TMEM178B: variants seen among roughly 807,000 people sequenced by gnomAD.
TMEM178B encodes transmembrane protein 178B.
In TMEM178B, 5 loss-of-function variants were observed where a neutral mutation model predicts 31.0. The observed-to-expected ratio is 0.16, with a 90% CI of 0.08 to 0.34. The LOEUF is 0.34. Among genes scored for constraint, TMEM178B ranks in the 10% least tolerant of loss-of-function variants. The pLI is 1.00. For synonymous variants in TMEM178B, 164 were observed against 164.0 expected, an observed-to-expected ratio of 1.00 and a Z score of 0.00; for missense variants, 275 against 400.3, an observed-to-expected ratio of 0.69 and a Z score of 2.67.
At chr7:141,343,675 G>A (rs1799558461) in intron 2 of TMEM178B, among the ~76,000 whole-genome samples, 1 of 151,714 alleles carries the variant, frequency 6.6e-6, no homozygotes, top group Admixed American at 6.6e-5. Context: ...TCAGCCTCCC[G>A]AGTAGCTGGG....
intron 2 of TMEM178B, 81 bp from the exon 3 acceptor site, chr7:141,437,527 C>T (rs1801568333): frequency 2.7e-6 from 4 of 1,501,230 alleles, no homozygotes; most frequent in East Asian, 2.5e-5. Flanking sequence ...TCCCTCTCTG[C>T]ACCCACCCCA....
chr7:141,108,950 G>C (rs1210083947), intron 1 of TMEM178B, among the ~76,000 whole-genome samples: 1 of 152,174 alleles, frequency 6.6e-6, no homozygotes, highest in South Asian at 2.1e-4. Context: ...GAGGTGAAAG[G>C]CACTTCTTAC....
intron 2 of TMEM178B, among the ~76,000 whole-genome samples, chr7:141,350,351 T>C (rs1036022575): frequency 1.3e-4 from 20 of 152,234 alleles, no homozygotes; most frequent in African/African-American, 4.1e-4. Flanking sequence ...ACTCCTGGCA[T>C]CGTAACATGT....
intron 1 of TMEM178B, among the ~76,000 whole-genome samples, chr7:141,188,075 G>A (rs544464735): frequency 2.4e-4 from 36 of 152,200 alleles, no homozygotes; most frequent in African/African-American, 7.7e-4. Context: ...TATGGTTTTA[G>A]GTCTAACATT....
chr7:141,333,809 A>G (rs1799336756), intron 2 of TMEM178B, among the ~76,000 whole-genome samples: 1 of 152,214 alleles, frequency 6.6e-6, no homozygotes, highest in African/African-American at 2.4e-5. Flanking sequence ...TCAGATCATC[A>G]GGTATTAGTT....
At chr7:141,284,191 A>C (rs956674561) in intron 2 of TMEM178B, among the ~76,000 whole-genome samples, 1 of 152,240 alleles carries the variant, frequency 6.6e-6, no homozygotes, top group Non-Finnish European at 1.5e-5. Context: ...GGTAGTCAAC[A>C]TGCCACGCGA....
chr7:141,322,862 C>G (rs1466632219), intron 2 of TMEM178B, among the ~76,000 whole-genome samples: 1 of 152,134 alleles, frequency 6.6e-6, no homozygotes, highest in Non-Finnish European at 1.5e-5. Context: ...CCCTAAACCC[C>G]CCTGCCCCAT....
chr7:141,206,373 C>T (rs1375540613), intron 1 of TMEM178B, among the ~76,000 whole-genome samples: 1 of 151,956 alleles, frequency 6.6e-6, no homozygotes, highest in African/African-American at 2.4e-5. Context: ...GAGGAAGAGC[C>T]CTGGAGAAAG....
At chr7:141,077,980 G>A (rs2129170466) in intron 1 of TMEM178B, among the ~76,000 whole-genome samples, 1 of 152,268 alleles carries the variant, frequency 6.6e-6, no homozygotes, top group South Asian at 2.1e-4. Flanking sequence ...TTTTATGATG[G>A]ATAAGGTTTT....
intron 1 of TMEM178B, among the ~76,000 whole-genome samples, chr7:141,117,215 C>A (rs1035502547): frequency 6.6e-6 from 1 of 152,120 alleles, no homozygotes; most frequent in Non-Finnish European, 1.5e-5. Context: ...TTCTAACTGG[C>A]GTGAGATGGT....
intron 2 of TMEM178B, among the ~76,000 whole-genome samples, chr7:141,307,073 C>T (rs1443492192): frequency 6.6e-6 from 1 of 152,056 alleles, no homozygotes; most frequent in Non-Finnish European, 1.5e-5. Context: ...ACTCAGCAGC[C>T]CTTCACACCA....
intron 1 of TMEM178B, among the ~76,000 whole-genome samples, chr7:141,091,976 C>T (rs1794888407): frequency 6.6e-6 from 1 of 152,178 alleles, no homozygotes; most frequent in Non-Finnish European, 1.5e-5. Flanking sequence ...GATCCACCCA[C>T]CTCAGCCTCC....
chr7:141,389,564 T>C (rs1222812627), intron 2 of TMEM178B, among the ~76,000 whole-genome samples: 1 of 152,236 alleles, frequency 6.6e-6, no homozygotes, highest in Non-Finnish European at 1.5e-5. Flanking sequence ...GATGTTCCCA[T>C]GATCTTAAGA....
chr7:141,508,919 T>A, the TMEM178B span, among the ~76,000 whole-genome samples: 3 of 152,214 alleles, frequency 2.0e-5, no homozygotes, highest in Non-Finnish European at 2.9e-5. Context: ...GATGACTCCT[T>A]CCGTGGGACA....
At chr7:141,391,229 G>A (rs993818794) in intron 2 of TMEM178B, among the ~76,000 whole-genome samples, 1 of 151,982 alleles carries the variant, frequency 6.6e-6, no homozygotes, top group African/African-American at 2.4e-5. Context: ...GCAATGGTGC[G>A]ATCTCGGCTC....
intron 2 of TMEM178B, among the ~76,000 whole-genome samples, chr7:141,323,228 A>G (rs1163447091): frequency 6.6e-6 from 1 of 152,230 alleles, no homozygotes; most frequent in African/African-American, 2.4e-5. Flanking sequence ...TGCAGAAGGA[A>G]TAAAGAAAGC....
chr7:141,406,281 T>G (rs1013614046), intron 2 of TMEM178B, among the ~76,000 whole-genome samples: 1 of 152,186 alleles, frequency 6.6e-6, no homozygotes, highest in Admixed American at 6.5e-5. Context: ...CCATCTTGTA[T>G]CCCATGAAGC....
intron 1 of TMEM178B, among the ~76,000 whole-genome samples, chr7:141,131,069 A>G (rs1332303112): frequency 1.3e-5 from 2 of 152,236 alleles, no homozygotes; most frequent in East Asian, 1.9e-4. Context: ...GTAGACTCTC[A>G]GTAAATCTGC....
At chr7:141,244,530 G>A (rs1226981324) in intron 2 of TMEM178B, among the ~76,000 whole-genome samples, 2 of 152,210 alleles carry the variant, frequency 1.3e-5, no homozygotes, top group East Asian at 1.9e-4. Context: ...ATGAACAAAC[G>A]GATGGCTCCA....
Sources: allele counts gnomAD v4.1 joint callset (sites outside exome capture counted in the v4.1 genomes callset), GRCh38; gene constraint gnomAD v4.1.1; transcripts MANE v1.5; gene names NCBI Gene and HGNC (gene_info 2026-07-23, HGNC 2026-07-21).